The following MITF variants were observed in gnomAD, a reference collection of about 807,000 sequenced individuals.
The protein encoded by MITF is microphthalmia-associated transcription factor.
A neutral mutation model predicts 60.5 loss-of-function variants in MITF; 17 were observed. That is an observed-to-expected ratio of 0.28 (90% CI 0.19 to 0.42). MITF has a LOEUF of 0.42. Ranked by LOEUF, MITF falls within the 10% of genes least tolerant of loss-of-function variation. The probability of loss-of-function intolerance (pLI) is 1.00; values close to 1 mark genes in which losing one functional copy is unlikely to be tolerated. For missense variants in MITF, 622 were observed against 683.5 expected, an observed-to-expected ratio of 0.91 and a Z score of 1.00; for synonymous variants, 260 against 248.5, an observed-to-expected ratio of 1.05 and a Z score of -0.43.
chr3:69,943,922 C>A (rs2107498175), intron 5 of MITF, among the ~76,000 whole-genome samples: 2 of 152,120 alleles, frequency 1.3e-5, no homozygotes, highest in African/African-American at 4.8e-5. Context: ...GAGAATCCGT[C>A]TCTGTAAAAA....
At chr3:69,942,951 T>A (rs1180874352) in intron 5 of MITF, among the ~76,000 whole-genome samples, 1 of 152,134 alleles carries the variant, frequency 6.6e-6, no homozygotes, top group Non-Finnish European at 1.5e-5. Context: ...AATGGGTCCC[T>A]GGGCACACTC....
intron 1 of MITF, among the ~76,000 whole-genome samples, chr3:69,794,428 C>G (rs2062794501): frequency 6.6e-6 from 1 of 152,024 alleles, no homozygotes; most frequent in African/African-American, 2.4e-5. Flanking sequence ...GTTCCTTTTC[C>G]AAATAGATGA....
At chr3:69,867,873 A>T (rs1048075659) in intron 1 of MITF, among the ~76,000 whole-genome samples, 1 of 152,200 alleles carries the variant, frequency 6.6e-6, no homozygotes, top group Non-Finnish European at 1.5e-5. Flanking sequence ...TGCTTCCCTT[A>T]TACACTCTCA....
rs893381201 is a variant in MITF, at chr3:69,966,299, C to G, written c.*1051C>G. ...GGTGGTTTTCCGCATTCTTTGTACA[C>G]CCATGAAAGAAAACTTTTATGCAAG... On this transcript the variant is annotated 3_prime_UTR_variant, in exon 10 of 10. Transcript: ENST00000352241. The G allele has an allele frequency of 3.9e-5, 9 of 232,762 alleles. No homozygotes were observed. The highest frequency in any genetic ancestry group is 6.8e-5 in the Non-Finnish European group (8 of 117,658). 14.4% of individuals were successfully genotyped at this position (232,762 alleles called of 1,614,324 possible).
intron 1 of MITF, among the ~76,000 whole-genome samples, chr3:69,822,306 T>A (rs768803514): frequency 6.6e-6 from 1 of 152,352 alleles, no homozygotes. Context: ...ATATTTGCTA[T>A]CTGGCCCTTT....
intron 1 of MITF, among the ~76,000 whole-genome samples, chr3:69,824,066 T>A (rs1371593249): frequency 6.6e-6 from 1 of 152,228 alleles, no homozygotes; most frequent in Non-Finnish European, 1.5e-5. Context: ...GATTTGATGT[T>A]CAAAGTCTGT....
At chr3:69,903,566 A>G (rs532155156) in intron 2 of MITF, among the ~76,000 whole-genome samples, 3 of 152,260 alleles carry the variant, frequency 2.0e-5, no homozygotes, top group Admixed American at 6.5e-5. Flanking sequence ...CATCTTCTCT[A>G]AGGGCAGCTA....
At chr3:69,839,082 A>G (rs1316904229) in intron 1 of MITF, among the ~76,000 whole-genome samples, 1 of 152,176 alleles carries the variant, frequency 6.6e-6, no homozygotes, top group African/African-American at 2.4e-5. Context: ...TTCAACCTGC[A>G]CAGTTTTTCA....
chr3:69,765,103 A>G (rs2062270012), intron 1 of MITF, among the ~76,000 whole-genome samples: 1 of 152,170 alleles, frequency 6.6e-6, no homozygotes, highest in Non-Finnish European at 1.5e-5. Context: ...TCCCGTGGAA[A>G]CAGAAATAGA....
At chr3:69,893,918 C>A (rs1398515291) in intron 2 of MITF, among the ~76,000 whole-genome samples, 1 of 152,108 alleles carries the variant, frequency 6.6e-6, no homozygotes, top group African/African-American at 2.4e-5. Context: ...TGATTGACAG[C>A]CAAATTAGGC....
At chr3:69,816,522 T>G (rs1001038562) in intron 1 of MITF, among the ~76,000 whole-genome samples, 3 of 152,344 alleles carry the variant, frequency 2.0e-5, no homozygotes, top group Admixed American at 2.0e-4. Context: ...AATAATCTGG[T>G]ACCAGCTGCT....
intron 1 of MITF, among the ~76,000 whole-genome samples, chr3:69,878,663 A>G (rs2064409977): frequency 1.3e-5 from 2 of 152,160 alleles, no homozygotes; most frequent in African/African-American, 2.4e-5. Context: ...TTCTTTAATC[A>G]ATATTTGTTA....
At chr3:69,818,530 TACTC>T (rs1255664422) in intron 1 of MITF, among the ~76,000 whole-genome samples, 1 of 152,204 alleles carries the variant, frequency 6.6e-6, no homozygotes, top group African/African-American at 2.4e-5. Context: ...TCACTGTTAT[TACTC>T]ACATGCCCAC....
At chr3:69,764,404 AAAAGAATACCACTTCCTC>A (rs2062258265) in intron 1 of MITF, among the ~76,000 whole-genome samples, 1 of 152,238 alleles carries the variant, frequency 6.6e-6, no homozygotes, top group Admixed American at 6.5e-5. Context: ...CAGAAATTGT[AAAAGAATACCACTTCCTC>A]ATTTTGCTAT....
chr3:69,744,944 T>G (rs953795559), intron 1 of MITF, among the ~76,000 whole-genome samples: 15 of 152,216 alleles, frequency 9.9e-5, no homozygotes, highest in Non-Finnish European at 1.8e-4. Context: ...ATACTAATAA[T>G]GATGGGTCAC....
intron 1 of MITF, among the ~76,000 whole-genome samples, chr3:69,783,628 G>A (rs892981183): frequency 6.6e-6 from 1 of 152,014 alleles, no homozygotes; most frequent in Admixed American, 6.6e-5. Context: ...TCTGCCCAAA[G>A]ACTAATGGTA....
intron 2 of MITF, among the ~76,000 whole-genome samples, chr3:69,921,937 C>T (rs752807196): frequency 1.3e-5 from 2 of 152,110 alleles, no homozygotes; most frequent in East Asian, 1.9e-4. Flanking sequence ...TACTGGATGC[C>T]GGTAGTAGCA....
At chr3:69,850,322 G>A (rs976211161) in intron 1 of MITF, among the ~76,000 whole-genome samples, 1 of 152,112 alleles carries the variant, frequency 6.6e-6, no homozygotes, top group East Asian at 1.9e-4. Flanking sequence ...TTCCTTCTTT[G>A]CAAACCGTTT....
At chr3:69,961,550 C>CAAAAAAAAAA (rs36044055) in intron 9 of MITF, among the ~76,000 whole-genome samples, 1 of 127,028 alleles carries the variant, frequency 7.9e-6, no homozygotes, top group African/African-American at 2.9e-5. Context: ...ACCAAAAATA[C>CAAAAAAAAAA]AAAAAAAAAA....
Sources: gnomAD v4.1 joint callset for allele counts (sites outside exome capture counted in the v4.1 genomes callset) on GRCh38, gnomAD v4.1.1 for gene constraint, MANE v1.5 for transcripts, NCBI Gene and HGNC (gene_info 2026-07-23, HGNC 2026-07-21) for gene names.